Variants in DAB1 observed in about 807,000 individuals in gnomAD.
The protein encoded by DAB1 is disabled homolog 1.
A neutral mutation model predicts 64.6 loss-of-function variants in DAB1; 15 were observed. That is an observed-to-expected ratio of 0.23 (90% CI 0.16 to 0.36). The LOEUF (loss-of-function observed/expected upper bound fraction) is 0.36, where lower values mean the gene tolerates loss of function less well. DAB1 is among the 10% of genes least tolerant of loss of function. The probability of loss-of-function intolerance (pLI) is 1.00; values close to 1 mark genes in which losing one functional copy is unlikely to be tolerated. For missense variants in DAB1, 596 were observed against 706.7 expected (o/e 0.84, Z 1.78); for synonymous variants, 235 against 251.9 (o/e 0.93, Z 0.64).
At chr1:57,997,283 C>T (rs758826262) in intron 5 of DAB1, among the ~76,000 whole-genome samples, 7 of 152,194 alleles carry the variant, frequency 4.6e-5, no homozygotes, top group Non-Finnish European at 7.3e-5. Context: ...AAACACTGTG[C>T]ATGCAGGCCC....
chr1:58,132,182 C>A (rs1038476126), intron 5 of DAB1, among the ~76,000 whole-genome samples: 2 of 152,274 alleles, frequency 1.3e-5, no homozygotes, highest in East Asian at 1.9e-4. Context: ...TTAAGCCCGT[C>A]GGAAAAGCGC....
At chr1:57,147,720 C>T (rs180894790) in intron 2 of DAB1, among the ~76,000 whole-genome samples, 1 of 152,252 alleles carries the variant, frequency 6.6e-6, no homozygotes, top group Admixed American at 6.5e-5. Flanking sequence ...CTTCCCCAAA[C>T]TTTAATTATA....
At chr1:57,154,796 G>T (rs1029601250) in intron 2 of DAB1, among the ~76,000 whole-genome samples, 1 of 152,138 alleles carries the variant, frequency 6.6e-6, no homozygotes, top group African/African-American at 2.4e-5. Context: ...GATGATCAAT[G>T]ACATTGAGCA....
chr1:57,005,994 G>A (rs1163498216), intron 14 of DAB1, among the ~76,000 whole-genome samples: 4 of 152,130 alleles, frequency 2.6e-5, no homozygotes, highest in Non-Finnish European at 5.9e-5. Context: ...AGCCAATTCT[G>A]GTAGCTGCCT....
chr1:57,125,204 C>T (rs183542603), intron 4 of DAB1, among the ~76,000 whole-genome samples: 120 of 152,252 alleles, frequency 7.9e-4, no homozygotes, highest in African/African-American at 2.8e-3. Flanking sequence ...CTGGGGTACA[C>T]AGGCATCAAA....
At chr1:57,102,265 A>G (rs1267334821) in intron 4 of DAB1, among the ~76,000 whole-genome samples, 3 of 152,238 alleles carry the variant, frequency 2.0e-5, no homozygotes, top group African/African-American at 7.2e-5. Flanking sequence ...TGCCACATAC[A>G]TTGCTAATGG....
chr1:57,094,568 C>A (rs1009256933), intron 4 of DAB1, among the ~76,000 whole-genome samples: 3 of 152,204 alleles, frequency 2.0e-5, no homozygotes, highest in Non-Finnish European at 2.9e-5. Context: ...CAGCCCATCC[C>A]ACTTCTAAAT....
intron 3 of DAB1, among the ~76,000 whole-genome samples, chr1:58,360,661 G>A (rs1644156284): frequency 6.6e-6 from 1 of 152,018 alleles, no homozygotes; most frequent in Non-Finnish European, 1.5e-5. Context: ...CAGCAAAAGG[G>A]TGGGCTGAAG....
chr1:57,740,608 T>G (rs1647939766), intron 6 of DAB1, among the ~76,000 whole-genome samples: 1 of 152,178 alleles, frequency 6.6e-6, no homozygotes, highest in Non-Finnish European at 1.5e-5. Flanking sequence ...TGTTGAGTAA[T>G]CTTGGGCAAA....
Position 58,203,526 on chromosome 1 carries a change from CCTT to C in DAB1, n.310-52941_310-52939del, listed in dbSNP as rs1252879674. On this transcript the variant is annotated intron_variant and non_coding_transcript_variant, in intron 4 of 20. Coordinates refer to the DAB1 transcript ENST00000485760. The stretch of plus-strand genomic sequence containing the variant: ...TCTTTTTTCTGCCACTAAATCCTCT[CCTT>C]CTTTCTGTCATAGTGGTTCTCAAAC... Among the ~76,000 whole-genome samples, 6 of 152,186 alleles carry C rather than the reference CCTT, an allele frequency of 3.9e-5. No homozygotes were observed. In the South Asian group the frequency reaches 8.3e-4, roughly 21 times the overall value.
Position 57,261,596 on chromosome 1 carries a change from C to T in DAB1, c.67+29368G>A, listed in dbSNP as rs965467332. 2.0e-5 allele frequency among the ~76,000 whole-genome samples: 3 copies of T among 152,264 alleles called. No individual in the cohort carries two copies. In the South Asian group the frequency reaches 6.2e-4, roughly 32 times the overall value. ...TTAGCATGAACCAGACCTACTTCTCCATAGAGTGTGACAGAGAAGGGAGGA... is the reference window on the plus strand; with the variant it reads ...TTAGCATGAACCAGACCTACTTCTCTATAGAGTGTGACAGAGAAGGGAGGA... On this transcript the variant is annotated intron_variant, in intron 2 of 14. Transcript: ENST00000371236.
At chr1:57,946,072 G>A (rs1645180176) in intron 5 of DAB1, among the ~76,000 whole-genome samples, 2 of 152,172 alleles carry the variant, frequency 1.3e-5, no homozygotes, top group African/African-American at 4.8e-5. Flanking sequence ...AGCAAAGCCA[G>A]CAAGTGACAG....
intron 5 of DAB1, among the ~76,000 whole-genome samples, chr1:57,996,713 T>C (rs1326058064): frequency 6.6e-6 from 1 of 152,218 alleles, no homozygotes; most frequent in Non-Finnish European, 1.5e-5. Context: ...CAGACAATCA[T>C]GTAACTCACT....
intron 1 of DAB1, among the ~76,000 whole-genome samples, chr1:57,837,316 A>G (rs974101066): frequency 6.6e-6 from 1 of 152,130 alleles, no homozygotes; most frequent in African/African-American, 2.4e-5. Context: ...TGCTAGTGAA[A>G]CATCTCTAAC....
intron 3 of DAB1, among the ~76,000 whole-genome samples, chr1:58,433,590 A>AGT (rs1443326796): frequency 5.1e-4 from 55 of 108,612 alleles, no homozygotes; most frequent in South Asian, 1.3e-3. Flanking sequence ...AGAGAGAGAG[A>AGT]GAGAGAGTGT....
chr1:57,759,983 C>T (rs1028228674), intron 6 of DAB1, among the ~76,000 whole-genome samples: 1 of 151,774 alleles, frequency 6.6e-6, no homozygotes, highest in East Asian at 1.9e-4. Context: ...GCAAAGAGAA[C>T]AACAAAAAAA....
chr1:58,171,313 T>A (rs1446782724), intron 4 of DAB1, among the ~76,000 whole-genome samples: 1 of 152,176 alleles, frequency 6.6e-6, no homozygotes, highest in Non-Finnish European at 1.5e-5. Flanking sequence ...AAAGGCAATA[T>A]CCCTTAAGGC....
chr1:58,121,294 C>T (rs1336894954), intron 5 of DAB1, among the ~76,000 whole-genome samples: 1 of 152,122 alleles, frequency 6.6e-6, no homozygotes, highest in Non-Finnish European at 1.5e-5. Context: ...TTCCCACTGT[C>T]CATACACAGT....
At chr1:57,048,082 T>A (rs1391815121) in intron 9 of DAB1, among the ~76,000 whole-genome samples, 1 of 152,224 alleles carries the variant, frequency 6.6e-6, no homozygotes, top group Non-Finnish European at 1.5e-5. Flanking sequence ...ATAAGGTAGT[T>A]ACCACAGTCA....
Sources: allele counts gnomAD v4.1 joint callset (sites outside exome capture counted in the v4.1 genomes callset), GRCh38; gene constraint gnomAD v4.1.1; transcripts MANE v1.5; gene names NCBI Gene and HGNC (gene_info 2026-07-23, HGNC 2026-07-21).